Variants in RANBP2 observed in about 807,000 individuals in gnomAD.
The protein encoded by RANBP2 is E3 SUMO-protein ligase RanBP2.
In RANBP2, 57 loss-of-function variants were observed where a neutral mutation model predicts 303.6. That is an observed-to-expected ratio of 0.19 (90% CI 0.15 to 0.23). The LOEUF (loss-of-function observed/expected upper bound fraction) is 0.23, where lower values mean the gene tolerates loss of function less well. Among genes scored for constraint, RANBP2 ranks in the 10% least tolerant of loss-of-function variants. The probability of loss-of-function intolerance (pLI) is 1.00; values close to 1 mark genes in which losing one functional copy is unlikely to be tolerated. For synonymous variants in RANBP2, 1,167 were observed against 1,301.5 expected, an observed-to-expected ratio of 0.90 and a Z score of 2.23; for missense variants, 3,138 against 3,780.8, an observed-to-expected ratio of 0.83 and a Z score of 4.46.
the RANBP2 span, among the ~76,000 whole-genome samples, chr2:109,209,358 G>A: frequency 6.6e-6 from 1 of 152,160 alleles, no homozygotes; most frequent in Admixed American, 6.5e-5. Context: ...ACGTTTAACA[G>A]TTGGCTTCCT....
the RANBP2 span, among the ~76,000 whole-genome samples, chr2:109,673,159 A>C: frequency 6.6e-6 from 1 of 152,202 alleles, no homozygotes; most frequent in African/African-American, 2.4e-5. Flanking sequence ...GAGTCAGCAG[A>C]ATTACGGGAT....
the RANBP2 span, among the ~76,000 whole-genome samples, chr2:109,403,943 A>G: frequency 6.6e-6 from 1 of 152,176 alleles, no homozygotes; most frequent in Non-Finnish European, 1.5e-5. Flanking sequence ...CCTCCTTGGT[A>G]GGTGTACCTT....
chr2:108,755,124 TTTCTG>T (rs766663761), intron 16 of RANBP2, 40 bp downstream of exon 16: 9 of 1,611,814 alleles, frequency 5.6e-6, no homozygotes, highest in East Asian at 4.5e-5. Flanking sequence ...TGTGAAATTG[TTTCTG>T]TTCTAAGTGT....
intron 25 of RANBP2, among the ~76,000 whole-genome samples, chr2:108,777,515 C>A (rs1002951951): frequency 2.0e-5 from 3 of 152,104 alleles, no homozygotes; most frequent in Non-Finnish European, 4.4e-5. Context: ...TTGATCCTTA[C>A]TCTTTTAACT....
chr2:108,989,815 T>TGGG, the RANBP2 span, among the ~76,000 whole-genome samples: 22 of 151,028 alleles, frequency 1.5e-4, 1 homozygote, highest in Non-Finnish European at 2.7e-4. Flanking sequence ...AGTAAATGAT[T>TGGG]GGGGGGGGGA....
chr2:108,811,852 A>G, the RANBP2 span, among the ~76,000 whole-genome samples: 4 of 152,192 alleles, frequency 2.6e-5, no homozygotes, highest in Admixed American at 2.6e-4. Context: ...TTTGACTTAT[A>G]AATGAGAACA....
the RANBP2 span, among the ~76,000 whole-genome samples, chr2:108,862,804 T>C: frequency 6.6e-6 from 1 of 152,192 alleles, no homozygotes; most frequent in Non-Finnish European, 1.5e-5. Context: ...TTTGTTTTTT[T>C]TTACGTGGTT....
chr2:109,010,701 C>A, the RANBP2 span, among the ~76,000 whole-genome samples: 5 of 152,218 alleles, frequency 3.3e-5, no homozygotes, highest in African/African-American at 1.2e-4. Context: ...AGTGCTTCAA[C>A]ATATGAATTT....
chr2:108,925,388 G>A, the RANBP2 span, among the ~76,000 whole-genome samples: 1 of 152,220 alleles, frequency 6.6e-6, no homozygotes, highest in African/African-American at 2.4e-5. Context: ...AAGCTCCAAG[G>A]CTACACGGCG....
the RANBP2 span, among the ~76,000 whole-genome samples, chr2:109,527,032 C>T: frequency 2.0e-5 from 3 of 152,162 alleles, no homozygotes; most frequent in Non-Finnish European, 2.9e-5. Flanking sequence ...TTGTGCTTGA[C>T]CAATTAAATG....
At chr2:109,685,828 C>A in the RANBP2 span, among the ~76,000 whole-genome samples, 2 of 152,132 alleles carry the variant, frequency 1.3e-5, no homozygotes, top group Admixed American at 6.6e-5. Flanking sequence ...GGGACAAGGA[C>A]AGAGTGAGGA....
chr2:109,659,858 C>T, the RANBP2 span, among the ~76,000 whole-genome samples: 6 of 152,268 alleles, frequency 3.9e-5, no homozygotes, highest in South Asian at 2.1e-4. Context: ...AGCCAGGCCC[C>T]GGCCAGGTAT....
the RANBP2 span, among the ~76,000 whole-genome samples, chr2:109,033,866 G>A: frequency 1.3e-5 from 2 of 150,750 alleles, no homozygotes; most frequent in Non-Finnish European, 2.9e-5. Flanking sequence ...TGAGGCACGA[G>A]AATTGCTTGA....
At chr2:109,437,814 G>C in the RANBP2 span, among the ~76,000 whole-genome samples, 1 of 152,216 alleles carries the variant, frequency 6.6e-6, no homozygotes, top group East Asian at 1.9e-4. Context: ...GCACATCTTG[G>C]TTGGTGGCTT....
chr2:109,459,725 G>A, the RANBP2 span, among the ~76,000 whole-genome samples: 1 of 152,138 alleles, frequency 6.6e-6, no homozygotes, highest in Admixed American at 6.5e-5. Flanking sequence ...CCAGCTCAAT[G>A]GAATCATTGT....
the RANBP2 span, chr2:108,910,823 C>T: frequency 6.2e-7 from 1 of 1,614,016 alleles, no homozygotes; most frequent in Non-Finnish European, 8.5e-7. Context: ...GGCCTCCACG[C>T]TCTTCCCCGG....
rs531259850 is a variant in RANBP2 at position 108,766,128 on chromosome 2, T to G, written c.5589T>G (p.His1863Gln). The change falls in exon 20 of 29, where the codon CAT (histidine) becomes CAG (glutamine). Residue 1863 changes from histidine to glutamine, a missense_variant. Coordinates refer to ENST00000283195, the MANE Select transcript of RANBP2 (RefSeq NM_006267.5). ...GNTEQGFKFG[H>Q]VDQENSPSFM... ...CAGAGCAAGGATTCAAATTTGGGCA[T>G]GTGGATCAAGAAAATTCACCTTCAT... The G allele has an allele frequency of 6.2e-7, 1 of 1,613,788 alleles. No homozygotes were observed. Among genetic ancestry groups the G allele is most frequent in the South Asian group, 1.1e-5 (1 of 91,070 alleles).
the RANBP2 span, among the ~76,000 whole-genome samples, chr2:109,331,799 A>AT: frequency 3.9e-5 from 6 of 152,274 alleles, no homozygotes; most frequent in African/African-American, 1.4e-4. Context: ...TATTAAGATG[A>AT]TTTTTTAAAA....
At chr2:109,321,596 A>G in the RANBP2 span, among the ~76,000 whole-genome samples, 85 of 152,384 alleles carry the variant, frequency 5.6e-4, no homozygotes, top group African/African-American at 1.9e-3. Flanking sequence ...CAATCAATAG[A>G]GGATTACATT....
Sources: gnomAD v4.1 joint callset for allele counts (sites outside exome capture counted in the v4.1 genomes callset) on GRCh38, gnomAD v4.1.1 for gene constraint, MANE v1.5 for transcripts, NCBI Gene and HGNC (gene_info 2026-07-23, HGNC 2026-07-21) for gene names.